NTM: variants seen among roughly 807,000 people sequenced by gnomAD.
NTM encodes the protein neurotrimin, also known as IgLON family member 2.
Under a neutral mutation model 42.1 loss-of-function variants are expected in NTM, and 13 were observed. The ratio of observed to expected loss-of-function variants is 0.31; its 90% CI spans 0.20 to 0.49. The LOEUF (loss-of-function observed/expected upper bound fraction) is 0.49, where lower values mean the gene tolerates loss of function less well. Ranked by LOEUF, NTM falls within the 20% of genes least tolerant of loss-of-function variation. NTM has a pLI of 0.99. For missense variants in NTM, 373 were observed against 452.8 expected (o/e 0.82, Z 1.60); for synonymous variants, 187 against 179.2 (o/e 1.04, Z -0.35).
intron 7 of NTM, among the ~76,000 whole-genome samples, chr11:132,328,358 G>A (rs549824686): frequency 3.9e-5 from 6 of 152,254 alleles, no homozygotes; most frequent in Admixed American, 1.3e-4. Context: ...TCAAGGATGA[G>A]CATCACATTT....
At chr11:131,684,945 C>T (rs184101808) in intron 1 of NTM, among the ~76,000 whole-genome samples, 171 of 152,306 alleles carry the variant, frequency 1.1e-3, no homozygotes, top group African/African-American at 4.0e-3. Context: ...CTAGGGTGAA[C>T]GTGAATCTGT....
intron 2 of NTM, among the ~76,000 whole-genome samples, chr11:132,004,859 C>T (rs2070399306): frequency 6.6e-6 from 1 of 151,976 alleles, no homozygotes; most frequent in Non-Finnish European, 1.5e-5. Context: ...TATTGGTAGT[C>T]CTTTGAGCAG....
At chr11:131,844,642 G>A (rs201806790) in intron 1 of NTM, among the ~76,000 whole-genome samples, 2 of 151,594 alleles carry the variant, frequency 1.3e-5, no homozygotes, top group Non-Finnish European at 2.9e-5. Flanking sequence ...ACTTTTTTTG[G>A]TTTTCAATAG....
At chr11:131,438,937 C>G (rs572621676) in intron 1 of NTM, among the ~76,000 whole-genome samples, 3 of 152,322 alleles carry the variant, frequency 2.0e-5, no homozygotes, top group South Asian at 4.1e-4. Context: ...TACCTTTACT[C>G]TTTGATGATG....
chr11:132,053,883 C>A (rs941621538), intron 2 of NTM, among the ~76,000 whole-genome samples: 4 of 152,118 alleles, frequency 2.6e-5, no homozygotes, highest in East Asian at 3.9e-4. Flanking sequence ...TATCACTGGA[C>A]CTTAGGGTCT....
rs548886545 is a variant in NTM at position 131,739,298 on chromosome 11, A to T, written c.83-172266A>T. The stretch of plus-strand genomic sequence containing the variant: ...CAAAAGAAGATGGGTTTTGGAACAG[A>T]GCATTTTAAGGTTCAAATTTCAACT... On this transcript the variant is annotated intron_variant, in intron 1 of 8. Coordinates refer to ENST00000683400, the MANE Select transcript of NTM (RefSeq NM_001352005.2). 3.6e-4 allele frequency among the ~76,000 whole-genome samples: 55 copies of T among 152,194 alleles called. 1 individual carries two copies. The highest frequency in any genetic ancestry group is 1.2e-3 in the African/African-American group (50 of 41,532).
chr11:132,035,630 T>G (rs2076417365), intron 2 of NTM, among the ~76,000 whole-genome samples: 1 of 151,986 alleles, frequency 6.6e-6, no homozygotes, highest in Admixed American at 6.6e-5. Context: ...TATTGGCATG[T>G]GTGTGTGTGG....
At chr11:132,247,152 A>C (rs897320841) in intron 4 of NTM, among the ~76,000 whole-genome samples, 1 of 152,116 alleles carries the variant, frequency 6.6e-6, no homozygotes, top group Admixed American at 6.5e-5. Flanking sequence ...TGACATGCAC[A>C]CATCTCAGGC....
chr11:131,717,421 C>G (rs1026979549), intron 1 of NTM, among the ~76,000 whole-genome samples: 17 of 152,094 alleles, frequency 1.1e-4, no homozygotes, highest in Non-Finnish European at 2.2e-4. Context: ...AATTTTGTAG[C>G]CTTCAACGTA....
chr11:131,949,504 G>A (rs559553931), intron 2 of NTM, among the ~76,000 whole-genome samples: 1 of 152,140 alleles, frequency 6.6e-6, no homozygotes, highest in Non-Finnish European at 1.5e-5. Context: ...AGAATAAAAA[G>A]CAATCTCAGT....
intron 1 of NTM, among the ~76,000 whole-genome samples, chr11:131,805,755 C>A (rs533975254): frequency 7.8e-4 from 119 of 152,232 alleles, no homozygotes; most frequent in African/African-American, 2.7e-3. Context: ...GGTGGAAGAA[C>A]AATATCTTAT....
chr11:131,474,612 G>C (rs578069957), intron 1 of NTM, among the ~76,000 whole-genome samples: 1 of 152,030 alleles, frequency 6.6e-6, no homozygotes, highest in Non-Finnish European at 1.5e-5. Flanking sequence ...TTGATTTGTA[G>C]CATCTCCATC....
intron 1 of NTM, among the ~76,000 whole-genome samples, chr11:131,412,805 C>CGT (rs34653452): frequency 4.6e-5 from 7 of 151,082 alleles, no homozygotes; most frequent in East Asian, 1.9e-4. Context: ...TCTTACGGGG[C>CGT]GTGTGTGTGT....
intron 1 of NTM, among the ~76,000 whole-genome samples, chr11:131,399,875 T>A (rs562142255): frequency 7.1e-4 from 108 of 152,292 alleles, no homozygotes; most frequent in African/African-American, 2.5e-3. Flanking sequence ...CTTTTGCCCA[T>A]GTGCTTGGTG....
intron 1 of NTM, chr11:131,534,302 G>A (rs960511649): frequency 6.6e-6 from 1 of 152,226 alleles, no homozygotes; most frequent in African/African-American, 2.4e-5. Flanking sequence ...CATGGGTGAA[G>A]TGGAAGCTCT....
At chr11:132,270,646 TA>T (rs1365590693) in intron 4 of NTM, among the ~76,000 whole-genome samples, 1 of 143,418 alleles carries the variant, frequency 7.0e-6, no homozygotes, top group Non-Finnish European at 1.5e-5. Flanking sequence ...TTTATAAATT[TA>T]TTTTTATTTT....
rs144986089 is a variant in NTM, at chr11:131,851,039, C to T, written c.83-60525C>T. Among the ~76,000 whole-genome samples the T allele has an allele frequency of 3.9e-5, 6 of 152,262 alleles. No individual in the cohort carries two copies. The East Asian group carries it at 9.7e-4, about 25-fold the overall frequency. On this transcript the variant is annotated intron_variant, in intron 1 of 8. Transcript: ENST00000683400. Reference sequence around the variant, plus strand: ...GCTGAGCTTGGGCCCTCCTGAGTGTCCACACCAAAGCTGAGTTGAGACTTG... The same window carrying T: ...GCTGAGCTTGGGCCCTCCTGAGTGTTCACACCAAAGCTGAGTTGAGACTTG...
intron 4 of NTM, among the ~76,000 whole-genome samples, chr11:132,240,767 C>T (rs1340758276): frequency 2.0e-5 from 3 of 152,162 alleles, no homozygotes; most frequent in African/African-American, 4.8e-5. Flanking sequence ...ATTCTAAACA[C>T]GTTGAGATAT....
intron 7 of NTM, 55 bp from the exon 8 acceptor site, chr11:132,330,098 G>T: frequency 6.5e-7 from 1 of 1,548,568 alleles, no homozygotes; most frequent in South Asian, 1.2e-5. Flanking sequence ...AGGGCAAAGT[G>T]AGCATCTCCG....
Sources: allele counts gnomAD v4.1 joint callset (sites outside exome capture counted in the v4.1 genomes callset), GRCh38; gene constraint gnomAD v4.1.1; transcripts MANE v1.5; gene names NCBI Gene and HGNC (gene_info 2026-07-23, HGNC 2026-07-21).